Variants in CYBA observed in about 807,000 individuals in gnomAD.
CYBA encodes the protein cytochrome b-245 alpha chain.
A neutral mutation model predicts 20.8 loss-of-function variants in CYBA; 21 were observed. That is an observed-to-expected ratio of 1.01 (90% confidence interval 0.72 to 1.46). CYBA has a LOEUF of 1.46. CYBA is among the 40% of genes most tolerant of loss of function. The pLI, the probability that CYBA is intolerant of heterozygous loss-of-function variation, is 0.00. For synonymous variants in CYBA, 164 were observed against 127.5 expected, an observed-to-expected ratio of 1.29 and a Z score of -1.93; for missense variants, 344 against 287.0, an observed-to-expected ratio of 1.20 and a Z score of -1.43.
chr16:88,648,513 C>A (rs150751437), intron 1 of CYBA, among the ~76,000 whole-genome samples: 1 of 152,140 alleles, frequency 6.6e-6, no homozygotes, highest in African/African-American at 2.4e-5. Context: ...CCCCCCGATA[C>A]GGAGTTCCTC....
intron 5 of CYBA, chr16:88,645,112 C>G: frequency 4.3e-6 from 3 of 694,432 alleles, no homozygotes; most frequent in Non-Finnish European, 7.9e-6. Context: ...CCTGACCCAG[C>G]AATTCCTCTC....
intron 1 of CYBA, chr16:88,650,221 T>C (rs1053958629): frequency 1.1e-5 from 4 of 374,906 alleles, no homozygotes; most frequent in African/African-American, 2.1e-5. Flanking sequence ...GTGGTGCCTC[T>C]GCCCTCAGAC....
At chr16:88,650,835 C>T in intron 1 of CYBA, 121 bp downstream of exon 1, 2 of 1,139,852 alleles carry the variant, frequency 1.8e-6, no homozygotes, top group Non-Finnish European at 1.3e-6. Flanking sequence ...GGCCTGACCC[C>T]GGCCCGGCCT....
At chr16:88,650,693 G>C (rs1329578066) in intron 1 of CYBA, 5 of 615,106 alleles carry the variant, frequency 8.1e-6, no homozygotes, top group Non-Finnish European at 1.5e-5. Context: ...CGCGGAGTCG[G>C]GGGACCGAGA....
In CYBA at chr16:88,643,525, C is replaced by T. The variant is rs1388646375; in HGVS notation, c.416G>A (p.Arg139Gln). The change falls in exon 6 of 6, where the codon CGG becomes CAG. Residue 139 changes from arginine (R) to glutamine (Q), a missense_variant. By Grantham distance (43) the Arg-to-Gln change is conservative (BLOSUM62 1). Transcript: ENST00000261623. This position sits in a 1 kb window ranked among gnomAD's most constrained non-coding sequence, Gnocchi z 4.3. The part of the protein sequence containing the change: ...EQWTPIEPKP[R>Q]ERPQIGGTIK... The stretch of plus-strand genomic sequence containing the variant: ...GGTGCCTCCGATCTGCGGCCGCTCC[C>T]GGGGCTTGGGCTCGATGGGCGTCCA... The T allele has an allele frequency of 1.2e-5, 19 of 1,535,040 alleles. No individual in the cohort carries two copies. In the East Asian group the frequency reaches 1.7e-4, roughly 14 times the overall value.
chr16:88,644,691 G>T, intron 5 of CYBA: 1 of 175,118 alleles, frequency 5.7e-6, no homozygotes, highest in South Asian at 1.2e-4. Context: ...CAGGCATGGT[G>T]GCACGTGCCT....
At chr16:88,647,027 G>T in intron 3 of CYBA, 74 bp downstream of exon 3, 2 of 1,425,238 alleles carry the variant, frequency 1.4e-6, no homozygotes, top group Non-Finnish European at 9.7e-7. Flanking sequence ...GAGAAACCAA[G>T]CTCCACCCAA....
In CYBA at chr16:88,643,993, C is replaced by T. The variant is rs534383056; in HGVS notation, c.370-422G>A. On this transcript the variant is annotated intron_variant, in intron 5 of 5. Transcript: ENST00000261623. This position sits in a 1 kb window ranked among gnomAD's most constrained non-coding sequence, Gnocchi z 4.3. ...GTGGGCGCCATTCACCCACGCTGGC[C>T]GGCAGCCCCCCAAGGGTGCCCAGGC... Among the ~76,000 whole-genome samples the T allele has an allele frequency of 7.6e-4, 116 of 152,122 alleles. 2 individuals carry two copies. In the South Asian group the frequency reaches 0.016, roughly 21 times the overall value.
At position 88,650,445 on chromosome 16, in the gene CYBA, T is replaced by G. The variant is rs1035398104; in HGVS notation, c.58+511A>C. The G allele has an allele frequency of 3.9e-5, 18 of 458,660 alleles. No homozygotes were observed. The East Asian group carries it at 1.1e-3, about 28-fold the overall frequency. The allele number at this position is 458,660 out of a possible 1,614,324, so 28.4% of individuals were successfully genotyped here. On this transcript the variant is annotated intron_variant, in intron 1 of 5. Transcript: ENST00000261623. The stretch of plus-strand genomic sequence containing the variant: ...GTCACTGGGTGGTTTCGGCGCCTTG[T>G]GAAATCTCAGACCGCCTCCAGCGCA...
Position 88,646,191 on chromosome 16 carries a change from C to T in CYBA, c.294G>A (p.Ser98=), listed in dbSNP as rs146079546. ...YVRAVLHLLL[S]VPAGFLLATI... is the part of the protein sequence containing the mutation. The stretch of plus-strand genomic sequence containing the variant: ...TGGCCAGCAGGAAGCCGGCGGGCAC[C>T]GAGAGCCTGGGGGACAGCGGGTGAG... The change falls in exon 5 of 6, where the codon TCG becomes TCA. Residue 98 remains serine, a synonymous_variant. Transcript: ENST00000261623. The T allele has an allele frequency of 1.7e-5, 26 of 1,550,692 alleles. No individual in the cohort carries two copies. Among genetic ancestry groups the T allele is most frequent in the African/African-American group, 2.7e-5 (2 of 72,806 alleles).
Position 88,648,085 on chromosome 16 carries a change from C to T in CYBA, c.88G>A (p.Ala30Thr). The T allele has an allele frequency of 6.2e-7, 1 of 1,613,056 alleles. No homozygotes were observed. The highest frequency in any genetic ancestry group is 8.5e-7 in the Non-Finnish European group (1 of 1,179,848). Reference sequence around the variant, plus strand: ...AAGTACCACTGGGTGAAGCGCCCAGCTGTGGCCACGATGCCCCCGGTGATG... The same window carrying T: ...AAGTACCACTGGGTGAAGCGCCCAGTTGTGGCCACGATGCCCCCGGTGATG... ...ILITGGIVATAGRFTQWYFGA... is the reference protein window; with the variant it reads ...ILITGGIVATTGRFTQWYFGA... The change falls in exon 2 of 6, where the codon GCT (alanine) becomes ACT (threonine). Residue 30 changes from alanine to threonine, a missense_variant. Coordinates refer to ENST00000261623, the MANE Select transcript of CYBA (RefSeq NM_000101.4).
rs747833429 is a variant in CYBA, at chr16:88,643,303, C to A, written c.*50G>T. On this transcript the variant is annotated 3_prime_UTR_variant, in exon 6 of 6. Transcript: ENST00000261623. The surrounding 1 kb of genome is among the most constrained non-coding windows in gnomAD (Gnocchi z 4.3). ...GGCTCACGCGCTCCCGGCTTCGCTG[C>A]ATTTATTGCAGGTGGGTGCACCTGG... is the stretch of plus-strand genomic sequence containing the variant. 6.6e-6 allele frequency: 9 copies of A among 1,353,478 alleles called. No individual in the cohort carries two copies. Among genetic ancestry groups the A allele is most frequent in the South Asian group, 1.4e-5 (1 of 70,670 alleles). The allele number at this position is 1,353,478 out of a possible 1,614,324, so 83.8% of individuals were successfully genotyped here. A position where few individuals can be genotyped will look rare whatever the true frequency, so the allele number is the denominator to read the frequency against.
intron 1 of CYBA, among the ~76,000 whole-genome samples, chr16:88,649,986 C>T (rs33997949): frequency 1.4e-4 from 22 of 152,082 alleles, no homozygotes; most frequent in African/African-American, 3.9e-4. Flanking sequence ...TCGAAGCAGG[C>T]GGTCACTTTC....
intron 5 of CYBA, chr16:88,645,628 T>G: frequency 1.7e-6 from 1 of 595,834 alleles, no homozygotes; most frequent in African/African-American, 1.9e-5. Context: ...TCCCATGGGA[T>G]GGGCAGCCTT....
intron 5 of CYBA, chr16:88,645,523 G>C: frequency 1.5e-6 from 1 of 669,792 alleles, no homozygotes; most frequent in South Asian, 1.6e-5. Flanking sequence ...GTCTGTTCCG[G>C]AGCCCAGGGC....
chr16:88,647,870 TCCTGGCGAGGGG>T (rs1238206326), intron 2 of CYBA, 163 bp downstream of exon 2: 5 of 669,238 alleles, frequency 7.5e-6, no homozygotes, highest in Non-Finnish European at 8.0e-6. Context: ...CGCCACATGG[TCCTGGCGAGGGG>T]CCTGGCTGCT....
intron 1 of CYBA, among the ~76,000 whole-genome samples, chr16:88,648,572 T>C (rs1907376514): frequency 1.3e-5 from 2 of 151,990 alleles, no homozygotes; most frequent in African/African-American, 4.8e-5. Context: ...CTGATATGGC[T>C]ATTTCTGCAC....
At chr16:88,648,537 G>A (rs1371037253) in intron 1 of CYBA, among the ~76,000 whole-genome samples, 1 of 152,112 alleles carries the variant, frequency 6.6e-6, no homozygotes, top group Non-Finnish European at 1.5e-5. Context: ...ACCCGTCAGC[G>A]GTTTTGCCTT....
intron 4 of CYBA, chr16:88,646,516 T>C: frequency 1.4e-6 from 1 of 698,926 alleles, no homozygotes; most frequent in Admixed American, 2.0e-5. Context: ...CAGTGCATGC[T>C]GACCCCAGAC....
Sources: allele counts gnomAD v4.1 joint callset (sites outside exome capture counted in the v4.1 genomes callset), GRCh38; gene constraint gnomAD v4.1.1; non-coding constraint Gnocchi (gnomAD v3.1); transcripts MANE v1.5; gene names NCBI Gene and HGNC (gene_info 2026-07-23, HGNC 2026-07-21).